FAM24B: variants seen among roughly 807,000 people sequenced by gnomAD.
FAM24B encodes family with sequence similarity 24 member B.
A neutral mutation model predicts 2.3 loss-of-function variants in FAM24B; 3 were observed. That is an observed-to-expected ratio of 1.29 (90% CI 0.59 to 3.32). FAM24B has a LOEUF of 3.32. Among genes scored for constraint, FAM24B ranks in the 30% most tolerant of loss-of-function variants. FAM24B has a pLI of 0.03. For missense variants in FAM24B, 98 were observed against 117.2 expected (o/e 0.84, Z 0.76); for synonymous variants, 36 against 46.3 (o/e 0.78, Z 0.90).
chr10:122,853,061 T>G lies in FAM24B; in HGVS notation c.-35-2511A>C, dbSNP rs140963253. Among the ~76,000 whole-genome samples, 16 of 152,306 alleles carry G rather than the reference T, an allele frequency of 1.1e-4. No individual in the cohort carries two copies. In the East Asian group the frequency reaches 3.1e-3, roughly 29 times the overall value. On this transcript the variant is annotated intron_variant, in intron 2 of 3. Coordinates refer to ENST00000368898, the MANE Select transcript of FAM24B (RefSeq NM_152644.3). ...AGGGAACTCACTACCATGCTATTAC[T>G]TTGATCCCAAGGTCCCTAGCTAGCC...
chr10:122,874,612 T>A (rs1847949435), intron 1 of FAM24B, among the ~76,000 whole-genome samples: 2 of 152,168 alleles, frequency 1.3e-5, no homozygotes, highest in Non-Finnish European at 2.9e-5. Flanking sequence ...GAAATATAAT[T>A]CTTTTCTTGT....
chr10:122,865,677 CTG>C (rs1246244551), intron 1 of FAM24B, among the ~76,000 whole-genome samples: 1 of 152,064 alleles, frequency 6.6e-6, no homozygotes. Flanking sequence ...CTGGATAAAA[CTG>C]CATAAAATTT....
intron 2 of FAM24B, among the ~76,000 whole-genome samples, chr10:122,852,373 A>G (rs572456207): frequency 1.3e-5 from 2 of 152,282 alleles, no homozygotes; most frequent in East Asian, 3.9e-4. Flanking sequence ...GACTAGCGGA[A>G]TATTTAAAAA....
At chr10:122,854,479 T>C (rs1445321375) in intron 2 of FAM24B, among the ~76,000 whole-genome samples, 1 of 152,204 alleles carries the variant, frequency 6.6e-6, no homozygotes, top group South Asian at 2.1e-4. Flanking sequence ...TCTGAAATGA[T>C]GTGTTGTTCC....
chr10:122,854,438 A>G (rs1005516267), intron 2 of FAM24B, among the ~76,000 whole-genome samples: 20 of 152,198 alleles, frequency 1.3e-4, no homozygotes, highest in African/African-American at 3.6e-4. Context: ...CCCAAGTCCA[A>G]TGCTCTTCCA....
chr10:122,874,486 T>C (rs1190521599), intron 1 of FAM24B, among the ~76,000 whole-genome samples: 1 of 152,238 alleles, frequency 6.6e-6, no homozygotes, highest in African/African-American at 2.4e-5. Context: ...AGAAAATCTT[T>C]AAGTCTCCTT....
At chr10:122,865,707 A>G (rs1277146202) in intron 1 of FAM24B, among the ~76,000 whole-genome samples, 2 of 152,066 alleles carry the variant, frequency 1.3e-5, no homozygotes, top group East Asian at 3.9e-4. Flanking sequence ...TTTTGCCACA[A>G]ATGTTTGGGA....
At chr10:122,876,240 C>G (rs979985456) in intron 1 of FAM24B, among the ~76,000 whole-genome samples, 15 of 152,182 alleles carry the variant, frequency 9.9e-5, no homozygotes, top group African/African-American at 3.6e-4. Flanking sequence ...TTTCTTCTGA[C>G]AAGAATTGAG....
At chr10:122,869,043 C>T (rs1161512093) in intron 1 of FAM24B, among the ~76,000 whole-genome samples, 1 of 152,038 alleles carries the variant, frequency 6.6e-6, no homozygotes, top group African/African-American at 2.4e-5. Flanking sequence ...AAACCCATCT[C>T]ACGTGCAGAG....
chr10:122,871,875 G>C (rs1330104934), intron 1 of FAM24B, among the ~76,000 whole-genome samples: 1 of 152,094 alleles, frequency 6.6e-6, no homozygotes, highest in African/African-American at 2.4e-5. Flanking sequence ...ACATAGGCAT[G>C]GGGCAAGGAC....
chr10:122,868,819 T>C (rs142270570), intron 1 of FAM24B, among the ~76,000 whole-genome samples: 3,900 of 152,142 alleles, frequency 0.026, 150 homozygotes, highest in African/African-American at 0.083. Flanking sequence ...GTACCAGCCA[T>C]TACAAAAACA....
At chr10:122,857,495 A>G (rs1285953520) in intron 1 of FAM24B, among the ~76,000 whole-genome samples, 1 of 152,244 alleles carries the variant, frequency 6.6e-6, no homozygotes, top group African/African-American at 2.4e-5. Context: ...AGCAATAAAT[A>G]TTGAATTGCT....
At chr10:122,853,103 C>T (rs763206407) in intron 2 of FAM24B, among the ~76,000 whole-genome samples, 1 of 152,090 alleles carries the variant, frequency 6.6e-6, no homozygotes, top group Non-Finnish European at 1.5e-5. Context: ...CTTCTCTCCA[C>T]CTATTCAAGT....
chr10:122,878,162 G>A (rs1235182259), intron 1 of FAM24B, among the ~76,000 whole-genome samples: 1 of 152,190 alleles, frequency 6.6e-6, no homozygotes, highest in Admixed American at 6.5e-5. Flanking sequence ...TCTAGGTAGA[G>A]GGAAAAGCAT....
intron 1 of FAM24B, among the ~76,000 whole-genome samples, chr10:122,867,293 G>A (rs543887788): frequency 2.6e-4 from 40 of 152,382 alleles, no homozygotes; most frequent in African/African-American, 8.4e-4. Context: ...AAGCAGCTGG[G>A]AAGATTGAAC....
At chr10:122,857,684 T>C (rs958301407) in intron 1 of FAM24B, among the ~76,000 whole-genome samples, 1 of 152,248 alleles carries the variant, frequency 6.6e-6, no homozygotes, top group African/African-American at 2.4e-5. Context: ...TCTCTAGTTT[T>C]GTCATTTTCT....
At position 122,860,738 on chromosome 10, in the gene FAM24B, A is replaced by G. The variant is rs947530651; in HGVS notation, c.-177-4952T>C. Among the ~76,000 whole-genome samples, 5 of 152,378 alleles carry G rather than the reference A, an allele frequency of 3.3e-5. No individual in the cohort carries two copies. In the East Asian group the frequency reaches 9.6e-4, roughly 29 times the overall value. The stretch of plus-strand genomic sequence containing the variant: ...GTCATTCTAACACATCTGAAGTGGT[A>G]TCTGGCTGTTATTATTTGATTTATT... On this transcript the variant is annotated intron_variant, in intron 1 of 3. Coordinates refer to ENST00000368898, the MANE Select transcript of FAM24B (RefSeq NM_152644.3).
chr10:122,851,454 C>A (rs2133824035), intron 2 of FAM24B, among the ~76,000 whole-genome samples: 1 of 152,334 alleles, frequency 6.6e-6, no homozygotes, highest in South Asian at 2.1e-4. Flanking sequence ...AACTTCTGTG[C>A]CAATCAGGAC....
chr10:122,866,248 T>C (rs772224579), intron 1 of FAM24B, among the ~76,000 whole-genome samples: 14 of 152,140 alleles, frequency 9.2e-5, no homozygotes, highest in Non-Finnish European at 2.1e-4. Flanking sequence ...CTAATGGTCC[T>C]GCTTTCATTT....
Sources: gnomAD v4.1 joint callset for allele counts (sites outside exome capture counted in the v4.1 genomes callset) on GRCh38, gnomAD v4.1.1 for gene constraint, MANE v1.5 for transcripts, NCBI Gene and HGNC (gene_info 2026-07-23, HGNC 2026-07-21) for gene names.